The following SLC16A10 variants were observed in gnomAD, a reference collection of about 807,000 sequenced individuals.
The protein encoded by SLC16A10 is monocarboxylate transporter 10.
In SLC16A10, 27 loss-of-function variants were observed where a neutral mutation model predicts 40.0. The observed-to-expected ratio is 0.67, with a 90% CI of 0.50 to 0.93. The LOEUF (loss-of-function observed/expected upper bound fraction) is 0.93, where lower values mean the gene tolerates loss of function less well. Among genes scored for constraint, SLC16A10 ranks in the 40% least tolerant of loss-of-function variants. The pLI is 0.00. For synonymous variants in SLC16A10, 213 were observed against 249.8 expected, an observed-to-expected ratio of 0.85 and a Z score of 1.39; for missense variants, 529 against 658.2, an observed-to-expected ratio of 0.80 and a Z score of 2.15.
chr6:111,184,323 T>C (rs142590796), intron 3 of SLC16A10, among the ~76,000 whole-genome samples: 224 of 152,254 alleles, frequency 1.5e-3, no homozygotes, highest in African/African-American at 5.0e-3. Flanking sequence ...CCCTTATAAG[T>C]GGGTTGACTT....
intron 1 of SLC16A10, among the ~76,000 whole-genome samples, chr6:111,168,140 C>T (rs1158964644): frequency 6.6e-6 from 1 of 152,060 alleles, no homozygotes; most frequent in Admixed American, 6.6e-5. Context: ...CCACCACACC[C>T]AGCTAATTTT....
chr6:111,139,092 C>CTTCTTCTT (rs202229156), intron 1 of SLC16A10, among the ~76,000 whole-genome samples: 9 of 118,896 alleles, frequency 7.6e-5, no homozygotes, highest in East Asian at 4.8e-4. Flanking sequence ...TCTTCTTCTT[C>CTTCTTCTT]TTTTTTTTTT....
intron 4 of SLC16A10, among the ~76,000 whole-genome samples, chr6:111,210,371 A>T (rs183376594): frequency 6.6e-6 from 1 of 152,322 alleles, no homozygotes; most frequent in East Asian, 1.9e-4. Flanking sequence ...GCTTTTAAAA[A>T]TGTATTTATT....
chr6:111,173,159 A>G (rs1442859498), intron 2 of SLC16A10, among the ~76,000 whole-genome samples: 1 of 152,152 alleles, frequency 6.6e-6, no homozygotes, highest in East Asian at 1.9e-4. Context: ...TATAACAATG[A>G]TTTATCTAAA....
intron 3 of SLC16A10, among the ~76,000 whole-genome samples, chr6:111,190,722 C>G (rs755517415): frequency 5.9e-5 from 9 of 152,226 alleles, no homozygotes; most frequent in Non-Finnish European, 1.2e-4. Flanking sequence ...GTACCTTAGC[C>G]CCTTTTAGCC....
At chr6:111,183,586 G>C (rs144287667) in intron 3 of SLC16A10, among the ~76,000 whole-genome samples, 72 of 152,196 alleles carry the variant, frequency 4.7e-4, no homozygotes, top group African/African-American at 1.6e-3. Context: ...CTACTTTGAT[G>C]CTATAATGAT....
In SLC16A10 at chr6:111,219,026, TG is replaced by T; in HGVS notation, c.1301del (p.Gly434AlafsTer98). ...LGFMSIPMTV[G>X]PPIAGLLRDK... ...GATTCATGTCTATACCCATGACTGT[TG>T]GCCCACCCATTGCAGGTAAATATAA... On this transcript the variant is annotated frameshift_variant, in exon 5 of 6. Transcript: ENST00000368851. LOFTEE classifies it high-confidence loss of function. The T allele has an allele frequency of 6.2e-7, 1 of 1,614,126 alleles. No individual in the cohort carries two copies. Among genetic ancestry groups the T allele is most frequent in the Non-Finnish European group, 8.5e-7 (1 of 1,179,956 alleles).
At chr6:111,143,383 A>T (rs921446658) in intron 1 of SLC16A10, among the ~76,000 whole-genome samples, 2 of 151,612 alleles carry the variant, frequency 1.3e-5, no homozygotes, top group African/African-American at 4.8e-5. Context: ...ACTTTTTTTT[A>T]AATTTATTTT....
chr6:111,222,135 CCA>C lies in SLC16A10; in HGVS notation c.1450_1451del (p.Thr484TrpfsTer28), dbSNP rs1411442781. The C allele has an allele frequency of 3.1e-6, 5 of 1,607,770 alleles. No homozygotes were observed. The highest frequency in any genetic ancestry group is 4.2e-6 in the Non-Finnish European group (5 of 1,178,504). On this transcript the variant is annotated frameshift_variant, in exon 6 of 6. Transcript: ENST00000368851. LOFTEE classifies it high-confidence loss of function. Reference sequence around the variant, plus strand: ...AAGAAGCAAAGAGAGATCAGTAAAACCACTGGAAAAGAAAAGATGGAGAAAAT... The same window carrying C: ...AAGAAGCAAAGAGAGATCAGTAAAACCTGGAAAAGAAAAGATGGAGAAAAT...
At chr6:111,168,729 A>AT (rs1332865053) in intron 1 of SLC16A10, among the ~76,000 whole-genome samples, 1 of 152,224 alleles carries the variant, frequency 6.6e-6, no homozygotes, top group Non-Finnish European at 1.5e-5. Context: ...ATCTATTGGA[A>AT]TTTCAGTTTA....
rs1348381804 is a variant in SLC16A10 at position 111,160,444 on chromosome 6, G to T, written c.344-12251G>T. Among the ~76,000 whole-genome samples the T allele has an allele frequency of 2.6e-5, 4 of 152,220 alleles. No individual in the cohort carries two copies. The East Asian group carries it at 7.7e-4, about 29-fold the overall frequency. On this transcript the variant is annotated intron_variant, in intron 1 of 5. Coordinates refer to ENST00000368851, the MANE Select transcript of SLC16A10 (RefSeq NM_018593.5). ...TTAAGTAGAGACAGGGTTTCACCAT[G>T]TTGGGAAGGCTGGTCTTCAATTCCT...
intron 1 of SLC16A10, among the ~76,000 whole-genome samples, chr6:111,105,217 T>TTAAAG (rs1412037683): frequency 6.6e-6 from 1 of 152,168 alleles, no homozygotes. Context: ...TATTTTAAAT[T>TTAAAG]TAAAGTATTG....
At chr6:111,119,637 A>G (rs1453946469) in intron 1 of SLC16A10, among the ~76,000 whole-genome samples, 2 of 152,084 alleles carry the variant, frequency 1.3e-5, no homozygotes, top group African/African-American at 2.4e-5. Flanking sequence ...AATGTTTGTA[A>G]CCCCCAAAAT....
chr6:111,187,283 G>A (rs1772913966), intron 3 of SLC16A10, among the ~76,000 whole-genome samples: 1 of 152,196 alleles, frequency 6.6e-6, no homozygotes, highest in African/African-American at 2.4e-5. Flanking sequence ...TATCTAGCAA[G>A]AAAAGAACCA....
In SLC16A10 at chr6:111,218,987, TG is replaced by T. The variant is rs1770835475; in HGVS notation, c.1262del (p.Gly421AspfsTer11). The T allele has an allele frequency of 1.8e-5, 29 of 1,614,156 alleles. No individual in the cohort carries two copies. The highest frequency in any genetic ancestry group is 2.5e-5 in the Non-Finnish European group (29 of 1,180,018). ...GTGCCCAGGATGTCTCCCAAGCAAT[TG>T]GATTTCTGCTCGGATTCATGTCTAT... Reference protein sequence around the residue: ...VGAQDVSQAIGFLLGFMSIPM... With the variant: ...VGAQDVSQAIXFLLGFMSIPM... On this transcript the variant is annotated frameshift_variant, in exon 5 of 6. Coordinates refer to ENST00000368851, the MANE Select transcript of SLC16A10 (RefSeq NM_018593.5). LOFTEE classifies it high-confidence loss of function.
chr6:111,141,216 T>A (rs1262633004), intron 1 of SLC16A10, among the ~76,000 whole-genome samples: 3 of 152,214 alleles, frequency 2.0e-5, no homozygotes, highest in Non-Finnish European at 4.4e-5. Flanking sequence ...TTCTAAAAAA[T>A]TAATTATTTA....
Position 111,152,710 on chromosome 6 carries a change from T to G in SLC16A10, c.344-19985T>G, listed in dbSNP as rs140590680. 2.4e-3 allele frequency among the ~76,000 whole-genome samples: 369 copies of G among 152,260 alleles called. 6 individuals carry two copies. In the East Asian group the frequency reaches 0.033, roughly 13 times the overall value. On this transcript the variant is annotated intron_variant, in intron 1 of 5. Coordinates refer to ENST00000368851, the MANE Select transcript of SLC16A10 (RefSeq NM_018593.5). The stretch of plus-strand genomic sequence containing the variant: ...GGCTTTCCAGAACATGCTGTTGGAG[T>G]AAGAGAGGAATGCCTTATTGTGGAC...
At chr6:111,088,986 T>C (rs1408501351) in intron 1 of SLC16A10, among the ~76,000 whole-genome samples, 1 of 152,138 alleles carries the variant, frequency 6.6e-6, no homozygotes, top group Non-Finnish European at 1.5e-5. Context: ...GAAAGTGTCT[T>C]GGTGGGTAGT....
intron 1 of SLC16A10, among the ~76,000 whole-genome samples, chr6:111,095,798 C>T (rs574101011): frequency 2.0e-3 from 298 of 152,322 alleles, no homozygotes; most frequent in Non-Finnish European, 3.7e-3. Flanking sequence ...CTTTGCTCCT[C>T]TTTCACCTTC....
Sources: gnomAD v4.1 joint callset for allele counts (sites outside exome capture counted in the v4.1 genomes callset) on GRCh38, gnomAD v4.1.1 for gene constraint, MANE v1.5 for transcripts, NCBI Gene and HGNC (gene_info 2026-07-23, HGNC 2026-07-21) for gene names.